Variants in CDKAL1 observed in about 807,000 individuals in gnomAD.
CDKAL1 encodes the protein CDKAL1 threonylcarbamoyladenosine tRNA methylthiotransferase, also known as threonylcarbamoyladenosine tRNA methylthiotransferase.
A neutral mutation model predicts 68.2 loss-of-function variants in CDKAL1; 32 were observed. The ratio of observed to expected loss-of-function variants is 0.47; its 90% CI spans 0.35 to 0.63. The LOEUF (loss-of-function observed/expected upper bound fraction) is 0.63. CDKAL1 is among the 30% of genes least tolerant of loss of function. The pLI, the probability that CDKAL1 is intolerant of heterozygous loss-of-function variation, is 0.00. For synonymous variants in CDKAL1, 234 were observed against 244.3 expected (o/e 0.96, Z 0.39); for missense variants, 606 against 696.7 (o/e 0.87, Z 1.47).
chr6:20,673,417 A>G (rs2127783220), intron 5 of CDKAL1, among the ~76,000 whole-genome samples: 1 of 152,378 alleles, frequency 6.6e-6, no homozygotes, highest in African/African-American at 2.4e-5. Context: ...TAAATGCTAG[A>G]TAATACTTGT....
At chr6:20,930,243 C>T (rs1278863559) in intron 9 of CDKAL1, among the ~76,000 whole-genome samples, 1 of 125,744 alleles carries the variant, frequency 8.0e-6, no homozygotes, top group Non-Finnish European at 1.6e-5. Context: ...TTTGTTAACA[C>T]CATAAACGTG....
intron 11 of CDKAL1, among the ~76,000 whole-genome samples, chr6:21,045,351 T>C (rs1359582759): frequency 6.6e-6 from 1 of 152,304 alleles, no homozygotes; most frequent in East Asian, 1.9e-4. Context: ...AATGATGTAA[T>C]CAGTGCTACT....
intron 4 of CDKAL1, among the ~76,000 whole-genome samples, chr6:20,636,225 A>G (rs1484179734): frequency 6.6e-6 from 1 of 151,794 alleles, no homozygotes; most frequent in Non-Finnish European, 1.5e-5. Flanking sequence ...TAAAATACTC[A>G]CTATGTCGAG....
At chr6:20,912,037 A>G (rs1158033225) in intron 9 of CDKAL1, among the ~76,000 whole-genome samples, 1 of 152,188 alleles carries the variant, frequency 6.6e-6, no homozygotes, top group Non-Finnish European at 1.5e-5. Context: ...ATAGTTTGCT[A>G]GTTCTTGTGT....
In CDKAL1 at chr6:20,822,936, G is replaced by A. The variant is rs545730589; in HGVS notation, c.639-23139G>A. 9.0e-4 allele frequency among the ~76,000 whole-genome samples: 137 copies of A among 152,224 alleles called. 1 individual carries two copies. The South Asian group carries it at 0.011, about 12-fold the overall frequency. Reference sequence around the variant, plus strand: ...GAAAATGTACAAATACACTCAGTGTGTTTAAAATTTTTCTGTGAATCTTGG... The same window carrying A: ...GAAAATGTACAAATACACTCAGTGTATTTAAAATTTTTCTGTGAATCTTGG... On this transcript the variant is annotated intron_variant, in intron 8 of 15. Transcript: ENST00000274695.
chr6:21,055,806 A>G (rs995154054), intron 11 of CDKAL1, among the ~76,000 whole-genome samples: 6 of 152,124 alleles, frequency 3.9e-5, no homozygotes, highest in Admixed American at 3.3e-4. Flanking sequence ...TGTCTTTGCT[A>G]TGGTGAATAG....
intron 2 of CDKAL1, among the ~76,000 whole-genome samples, chr6:20,544,707 G>T (rs927261169): frequency 6.6e-6 from 1 of 151,468 alleles, no homozygotes; most frequent in Non-Finnish European, 1.5e-5. Flanking sequence ...TAAAATTTAG[G>T]ATAGTCTTAT....
intron 8 of CDKAL1, among the ~76,000 whole-genome samples, chr6:20,808,552 G>C (rs1005382992): frequency 2.6e-5 from 4 of 152,094 alleles, no homozygotes; most frequent in Non-Finnish European, 5.9e-5. Flanking sequence ...TGCAGACAAG[G>C]AGTTCAGAGG....
At chr6:20,705,207 G>A (rs745953492) in intron 5 of CDKAL1, among the ~76,000 whole-genome samples, 15 of 152,136 alleles carry the variant, frequency 9.9e-5, no homozygotes, top group Non-Finnish European at 1.3e-4. Context: ...ACTAATTAAC[G>A]TAGGATTTGT....
At chr6:21,107,676 C>A (rs1773917408) in intron 12 of CDKAL1, among the ~76,000 whole-genome samples, 1 of 152,078 alleles carries the variant, frequency 6.6e-6, no homozygotes, top group Non-Finnish European at 1.5e-5. Flanking sequence ...AAGTGATATA[C>A]CTGCCTCGGC....
chr6:20,874,656 C>T (rs565230898), intron 9 of CDKAL1, among the ~76,000 whole-genome samples: 22 of 152,100 alleles, frequency 1.4e-4, no homozygotes, highest in African/African-American at 5.3e-4. Context: ...CATAAGCCAC[C>T]ACACCCAGCT....
intron 5 of CDKAL1, among the ~76,000 whole-genome samples, chr6:20,730,312 GAAAGA>G (rs1772850856): frequency 1.4e-5 from 2 of 141,242 alleles, no homozygotes; most frequent in Non-Finnish European, 3.1e-5. Context: ...GAAAGAAAGA[GAAAGA>G]AAAGAAAAGA....
At chr6:20,708,385 G>A (rs1229939848) in intron 5 of CDKAL1, among the ~76,000 whole-genome samples, 2 of 152,158 alleles carry the variant, frequency 1.3e-5, no homozygotes, top group African/African-American at 2.4e-5. Flanking sequence ...ACATAGAAAA[G>A]GGTGCAGGAA....
intron 4 of CDKAL1, among the ~76,000 whole-genome samples, chr6:20,631,712 T>C (rs1045851122): frequency 1.8e-4 from 27 of 152,324 alleles, no homozygotes; most frequent in African/African-American, 6.0e-4. Flanking sequence ...CCATGGGGCC[T>C]AAGTCACTTC....
chr6:20,952,696 A>C (rs1764592870), intron 9 of CDKAL1, among the ~76,000 whole-genome samples: 1 of 152,266 alleles, frequency 6.6e-6, no homozygotes, highest in South Asian at 2.1e-4. Context: ...TTAAGTGTGC[A>C]GATATAAGCA....
chr6:20,634,384 G>A (rs16884021), intron 4 of CDKAL1, among the ~76,000 whole-genome samples: 10,872 of 152,138 alleles, frequency 0.071, 620 homozygotes, highest in African/African-American at 0.16. Flanking sequence ...TGTTTAACTA[G>A]CTGCAAATAG....
intron 4 of CDKAL1, among the ~76,000 whole-genome samples, chr6:20,641,654 G>A (rs1487657114): frequency 2.0e-5 from 3 of 152,156 alleles, no homozygotes; most frequent in Non-Finnish European, 4.4e-5. Context: ...CACAGAGATT[G>A]TTACAAATTG....
intron 15 of CDKAL1, among the ~76,000 whole-genome samples, chr6:21,217,851 C>T (rs917838663): frequency 3.3e-5 from 5 of 152,154 alleles, no homozygotes; most frequent in Admixed American, 6.5e-5. Context: ...TCAAACTCCT[C>T]GCCTCCAGCA....
intron 8 of CDKAL1, among the ~76,000 whole-genome samples, chr6:20,823,791 C>T (rs1348858733): frequency 6.6e-6 from 1 of 152,052 alleles, no homozygotes; most frequent in Non-Finnish European, 1.5e-5. Flanking sequence ...ACATTTTCAG[C>T]GATTGAGAAT....
Sources: gnomAD v4.1 joint callset for allele counts (sites outside exome capture counted in the v4.1 genomes callset) on GRCh38, gnomAD v4.1.1 for gene constraint, MANE v1.5 for transcripts, NCBI Gene and HGNC (gene_info 2026-07-23, HGNC 2026-07-21) for gene names.